Variants in ANKRD13D observed in about 807,000 individuals in gnomAD.
ANKRD13D encodes the protein ankyrin repeat domain 13D.
A neutral mutation model predicts 68.8 loss-of-function variants in ANKRD13D; 24 were observed. The observed-to-expected ratio is 0.35, with a 90% CI of 0.25 to 0.49. The LOEUF is 0.49. Ranked by LOEUF, ANKRD13D falls within the 20% of genes least tolerant of loss-of-function variation. ANKRD13D has a pLI of 0.99. For missense variants in ANKRD13D, 735 were observed against 832.1 expected (o/e 0.88, Z 1.44); for synonymous variants, 331 against 336.1 (o/e 0.98, Z 0.16).
chr11:67,297,652 A>T (rs1372967980), intron 6 of ANKRD13D, among the ~76,000 whole-genome samples: 1 of 151,494 alleles, frequency 6.6e-6, no homozygotes, highest in Non-Finnish European at 1.5e-5. Context: ...CAGCCTCCCG[A>T]GTAGCTGGGA....
chr11:67,291,420 G>C (rs1307852132), intron 3 of ANKRD13D, 56 bp from the exon 4 acceptor site: 1 of 1,586,472 alleles, frequency 6.3e-7, no homozygotes. Context: ...GGGCTCCCAG[G>C]CCTGCTGGAG....
chr11:67,292,935 C>T (rs535933469), intron 6 of ANKRD13D, among the ~76,000 whole-genome samples: 19 of 152,188 alleles, frequency 1.2e-4, no homozygotes, highest in Non-Finnish European at 1.9e-4. Context: ...TGTCTGGCTT[C>T]TTTCACTTAG....
Position 67,301,017 on chromosome 11 carries a change from A to G in ANKRD13D, c.1101A>G (p.Glu367=). Reference sequence around the variant, plus strand: ...TCAAGGCAACACTGTGGCTGAGTGAAGAGCACCCGCTCTCCCTGGGTGACC... The same window carrying G: ...TCAAGGCAACACTGTGGCTGAGTGAGGAGCACCCGCTCTCCCTGGGTGACC... The part of the protein sequence containing the change: ...QRFKATLWLS[E]EHPLSLGDQV... The change falls in exon 11 of 15, where the codon GAA becomes GAG. Residue 367 remains glutamate (E), a synonymous_variant. Transcript: ENST00000511455. The surrounding 1 kb of genome is among the most constrained non-coding windows in gnomAD (Gnocchi z 4.5). 1 of 1,613,914 alleles carries G rather than the reference A, an allele frequency of 6.2e-7. No homozygotes were observed. Among genetic ancestry groups the G allele is most frequent in the Non-Finnish European group, 8.5e-7 (1 of 1,180,012 alleles).
At chr11:67,289,736 CCCCTGCGCTGGG>C in intron 1 of ANKRD13D, 186 bp downstream of exon 1, 1 of 1,405,264 alleles carries the variant, frequency 7.1e-7, no homozygotes, top group East Asian at 2.7e-5. Flanking sequence ...GGCCTCCTCT[CCCCTGCGCTGGG>C]CCTTGCCCTG....
chr11:67,300,412 G>A lies in ANKRD13D; in HGVS notation c.1073+289G>A, dbSNP rs566055236. The A allele has an allele frequency of 9.5e-4, 403 of 422,576 alleles. 9 individuals are homozygous for A. The South Asian group carries it at 0.012, about 13-fold the overall frequency. 26.2% of individuals were successfully genotyped at this position (422,576 alleles called of 1,614,324 possible). A position where few individuals can be genotyped will look rare whatever the true frequency, so the allele number is the denominator to read the frequency against. ...GGGGCCAGCGTGGCACAGTGGGAAG[G>A]GCCCCCAGCGACGTGGCCTGGGAGT... On this transcript the variant is annotated intron_variant, in intron 10 of 14. Coordinates refer to ENST00000511455, the MANE Select transcript of ANKRD13D (RefSeq NM_207354.3). This position sits in a 1 kb window ranked among gnomAD's most constrained non-coding sequence, Gnocchi z 4.3.
At chr11:67,290,558 C>T in intron 3 of ANKRD13D, 112 bp downstream of exon 3, 1 of 1,434,016 alleles carries the variant, frequency 7.0e-7, no homozygotes, top group Non-Finnish European at 9.3e-7. Context: ...TGCCTCCTGC[C>T]ACCAGCAAGG....
Position 67,289,555 on chromosome 11 carries a change from G to A in ANKRD13D, c.90+5G>A. 2.0e-6 allele frequency: 3 copies of A among 1,522,612 alleles called. No individual in the cohort carries two copies. Among genetic ancestry groups the A allele is most frequent in the Non-Finnish European group, 2.6e-6 (3 of 1,142,516 alleles). The allele number at this position is 1,522,612 out of a possible 1,614,324, so 94.3% of individuals were successfully genotyped here. On this transcript the variant is annotated splice_donor_5th_base_variant and intron_variant, in intron 1 of 14. Transcript: ENST00000511455. The stretch of plus-strand genomic sequence containing the variant: ...GCCGCACTGCACAGCCACCAGGTGA[G>A]GCCCCGCTGGGGCACCCGGCCCTTC...
intron 3 of ANKRD13D, 157 bp downstream of exon 3, chr11:67,290,603 G>GA: frequency 8.3e-7 from 1 of 1,203,032 alleles, no homozygotes; most frequent in Non-Finnish European, 1.1e-6. Context: ...CCAGGGTCAC[G>GA]TAGGAAAGAG....
Position 67,291,728 on chromosome 11 carries a change from T to C in ANKRD13D, c.523T>C (p.Phe175Leu). The change falls in exon 5 of 15, where the codon TTC (phenylalanine) becomes CTC (leucine). Residue 175 changes from phenylalanine to leucine, a missense_variant. Phe to Leu is a conservative substitution (Grantham distance 22, BLOSUM62 0). Transcript: ENST00000511455. ...HMTWQRGRRSFIFKGQEAGAL... is the reference protein window; with the variant it reads ...HMTWQRGRRSLIFKGQEAGAL... ...GACCTGGCAGCGGGGCCGGAGGAGC[T>C]TCATCTTCAAGGGCCAGGGTGAGCT... 1.9e-6 allele frequency: 3 copies of C among 1,613,886 alleles called. No individual in the cohort carries two copies. Among genetic ancestry groups the C allele is most frequent in the Non-Finnish European group, 2.5e-6 (3 of 1,180,006 alleles).
rs1195423806 is a variant in ANKRD13D, at chr11:67,299,863, C to T, written c.917C>T (p.Ala306Val). ...KTPFQSFLGM[A>V]QQHSSHTGAP... ...CCATTCCAGTCCTTCCTGGGGATGG[C>T]GCAGCAGCATTCCTCCCACACCGGG... is the stretch of plus-strand genomic sequence containing the variant. The change falls in exon 9 of 15, where the codon GCG becomes GTG. Residue 306 changes from alanine (A) to valine (V), a missense_variant. Physicochemically the swap from Ala to Val is moderately conservative, Grantham distance 64. Transcript: ENST00000511455. The surrounding 1 kb of genome is among the most constrained non-coding windows in gnomAD (Gnocchi z 6.2). 6.5e-6 allele frequency: 10 copies of T among 1,541,898 alleles called. No homozygotes were observed. The highest frequency in any genetic ancestry group is 2.7e-5 in the African/African-American group (2 of 72,808).
At position 67,301,758 on chromosome 11, in the gene ANKRD13D, C is replaced by T. The variant is rs1172323967; in HGVS notation, c.1539C>T (p.Asn513=). The T allele has an allele frequency of 2.5e-6, 4 of 1,610,970 alleles. No homozygotes were observed. The East Asian group carries it at 6.7e-5, about 27-fold the overall frequency. ...TGACCGTCTGGGAAGCCCTGACCAA[C>T]ACCCGGCCCGGTGCCCGCCCTCCTC... is the stretch of plus-strand genomic sequence containing the variant. ...EQVTVWEALT[N]TRPGARPPPQ... is the part of the protein sequence containing the mutation. Residue 513 remains asparagine (N), a synonymous_variant, in exon 14 of 15, where the codon AAC becomes AAT. Transcript: ENST00000511455. This position sits in a 1 kb window ranked among gnomAD's most constrained non-coding sequence, Gnocchi z 4.5.
chr11:67,302,349 G>T lies in ANKRD13D; in HGVS notation c.*17G>T, dbSNP rs1256433041. ...GAGCACTGAGCCATAGCCCCGGGAGGGCTGGCCAGGCCACTCCCTGCCCGC... is the reference window on the plus strand; with the variant it reads ...GAGCACTGAGCCATAGCCCCGGGAGTGCTGGCCAGGCCACTCCCTGCCCGC... On this transcript the variant is annotated 3_prime_UTR_variant, in exon 15 of 15. Transcript: ENST00000511455. 1 of 1,484,046 alleles carries T rather than the reference G, an allele frequency of 6.7e-7. No individual in the cohort carries two copies. The highest frequency in any genetic ancestry group is 2.5e-5 in the East Asian group (1 of 39,970). 91.9% of individuals were successfully genotyped at this position (1,484,046 alleles called of 1,614,324 possible). A position where few individuals can be genotyped will look rare whatever the true frequency, so the allele number is the denominator to read the frequency against.
chr11:67,302,084 T>C (rs1284537644), intron 14 of ANKRD13D, 35 bp from the exon 15 acceptor site: 2 of 1,505,316 alleles, frequency 1.3e-6, no homozygotes, highest in Admixed American at 2.3e-5. Flanking sequence ...TGGCGCTCAC[T>C]GGCCTGTTCT....
Position 67,291,639 on chromosome 11 carries a change from A to G in ANKRD13D, c.434A>G (p.Tyr145Cys). ...LVSKMCPSDV[Y>C]RVWKRGESLR... Reference sequence around the variant, plus strand: ...TCTAAGATGTGCCCAAGCGATGTGTACCGCGTGTGGAAGCGGGGTGAGAGC... The same window carrying G: ...TCTAAGATGTGCCCAAGCGATGTGTGCCGCGTGTGGAAGCGGGGTGAGAGC... Residue 145 changes from tyrosine (Y) to cysteine (C), a missense_variant, in exon 5 of 15, where the codon TAC (tyrosine) becomes TGC (cysteine). Transcript: ENST00000511455. 1 of 1,614,024 alleles carries G rather than the reference A, an allele frequency of 6.2e-7. No homozygotes were observed.
rs1439283193 is a variant in ANKRD13D, at chr11:67,291,375, AGAC to A, written c.352-100_352-98del. On this transcript the variant is annotated intron_variant, in intron 3 of 14. Transcript: ENST00000511455. ...TCAAAAAAAAAAAAAAAAAAAAAAAAGACCTGATGAAGGGCTGGGCTGGCTGTG... is the reference window on the plus strand; with the variant it reads ...TCAAAAAAAAAAAAAAAAAAAAAAAACTGATGAAGGGCTGGGCTGGCTGTG... The A allele has an allele frequency of 8.6e-6, 9 of 1,046,760 alleles. 1 individual carries two copies. In the Admixed American group the frequency reaches 1.6e-4, roughly 19 times the overall value. The allele number at this position is 1,046,760 out of a possible 1,614,324, so 64.8% of individuals were successfully genotyped here. A position where few individuals can be genotyped will look rare whatever the true frequency, so the allele number is the denominator to read the frequency against.
intron 2 of ANKRD13D, 25 bp from the exon 3 acceptor site, chr11:67,290,297 C>T (rs1202850856): frequency 6.5e-7 from 1 of 1,547,782 alleles, no homozygotes. Context: ...CTGGAGGGCT[C>T]CCCTCAGCAG....
At position 67,290,064 on chromosome 11, in the gene ANKRD13D, C is replaced by T. The variant is rs111345048; in HGVS notation, c.91-14C>T. 1,206 of 1,535,384 alleles carry T rather than the reference C, an allele frequency of 7.9e-4. 13 individuals carry two copies. The African/African-American group carries it at 0.015, about 19-fold the overall frequency. ...CTTCTCTCCTGCCCTTTGTGAGTGT[C>T]CCGTCTCCCCCAGCACGACATTGAA... On this transcript the variant is annotated splice_polypyrimidine_tract_variant and intron_variant, in intron 1 of 14. Transcript: ENST00000511455.
chr11:67,295,855 T>C (rs1200365149), intron 6 of ANKRD13D, among the ~76,000 whole-genome samples: 1 of 152,246 alleles, frequency 6.6e-6, no homozygotes, highest in East Asian at 1.9e-4. Context: ...AGTATGATAT[T>C]AGTTGTGAGT....
rs1451856239 is a variant in ANKRD13D, at chr11:67,301,045, G to A, written c.1129G>A (p.Val377Met). The part of the protein sequence containing the change: ...EEHPLSLGDQ[V>M]TPIIDLMAIS... ...GCACCCGCTCTCCCTGGGTGACCAG[G>A]TGACCCCCATCATCGACCTAATGGC... is the stretch of plus-strand genomic sequence containing the variant. Residue 377 changes from valine (V) to methionine (M), a missense_variant, in exon 11 of 15, where the codon GTG (valine) becomes ATG (methionine). Val to Met is a conservative substitution (Grantham distance 21). Transcript: ENST00000511455. The surrounding 1 kb of genome is among the most constrained non-coding windows in gnomAD (Gnocchi z 4.5). 1 of 1,613,902 alleles carries A rather than the reference G, an allele frequency of 6.2e-7. No homozygotes were observed. The highest frequency in any genetic ancestry group is 1.3e-5 in the African/African-American group (1 of 74,926).
Sources: gnomAD v4.1 joint callset for allele counts (sites outside exome capture counted in the v4.1 genomes callset) on GRCh38, gnomAD v4.1.1 for gene constraint, Gnocchi (gnomAD v3.1) non-coding constraint, MANE v1.5 for transcripts, NCBI Gene and HGNC (gene_info 2026-07-23, HGNC 2026-07-21) for gene names.